PTPN9: variants seen among roughly 807,000 people sequenced by gnomAD.
PTPN9 encodes protein tyrosine phosphatase non-receptor type 9, also known as tyrosine-protein phosphatase non-receptor type 9.
In PTPN9, 26 loss-of-function variants were observed where a neutral mutation model predicts 69.8. That is an observed-to-expected ratio of 0.37 (90% CI 0.27 to 0.52). The LOEUF (loss-of-function observed/expected upper bound fraction) is 0.52. PTPN9 is among the 20% of genes least tolerant of loss of function. PTPN9 has a pLI of 0.91. For missense variants in PTPN9, 549 were observed against 740.3 expected (o/e 0.74, Z 3.00); for synonymous variants, 274 against 272.5 (o/e 1.01, Z -0.05).
Position 75,503,248 on chromosome 15 carries a change from C to T in PTPN9, c.968+2427G>A, listed in dbSNP as rs527786584. ...GAAGTGAGGAGCATCTCTGCCCGGC[C>T]GCCCATCGTCTGAGATGTGGGGAGC... On this transcript the variant is annotated intron_variant, in intron 7 of 12. Coordinates refer to ENST00000618819, the MANE Select transcript of PTPN9 (RefSeq NM_002833.4). Among the ~76,000 whole-genome samples, 363 of 148,548 alleles carry T rather than the reference C, an allele frequency of 2.4e-3. 1 individual carries two copies. Among genetic ancestry groups the T allele is most frequent in the African/African-American group, 8.6e-3 (340 of 39,722 alleles).
chr15:75,519,182 C>G (rs931453194), intron 4 of PTPN9, among the ~76,000 whole-genome samples: 2 of 152,170 alleles, frequency 1.3e-5, no homozygotes, highest in African/African-American at 4.8e-5. Flanking sequence ...GATCTCGGCT[C>G]ACTGCAACCT....
intron 8 of PTPN9, chr15:75,480,789 G>T: frequency 1.9e-6 from 2 of 1,031,988 alleles, no homozygotes; most frequent in Non-Finnish European, 2.5e-6. Flanking sequence ...CCGCGAGGCA[G>T]CGGCTGGAGG....
chr15:75,492,866 A>G (rs914664907), intron 7 of PTPN9, among the ~76,000 whole-genome samples: 1 of 152,102 alleles, frequency 6.6e-6, no homozygotes, highest in Non-Finnish European at 1.5e-5. Context: ...AAATAACACA[A>G]TTCAGGCTTG....
At chr15:75,538,022 G>A (rs1370377237) in intron 1 of PTPN9, among the ~76,000 whole-genome samples, 1 of 151,982 alleles carries the variant, frequency 6.6e-6, no homozygotes, top group Non-Finnish European at 1.5e-5. Flanking sequence ...TTGTGCCACT[G>A]TACTCCAGCC....
chr15:75,515,167 C>T, intron 5 of PTPN9, among the ~76,000 whole-genome samples: 1 of 152,134 alleles, frequency 6.6e-6, no homozygotes, highest in East Asian at 1.9e-4. Flanking sequence ...GTGGCTCACG[C>T]CTGTAATCCC....
chr15:75,521,606 G>A (rs975908857), intron 4 of PTPN9, among the ~76,000 whole-genome samples: 28 of 152,044 alleles, frequency 1.8e-4, no homozygotes, highest in Admixed American at 1.4e-3. Flanking sequence ...AGCATTTTGG[G>A]AGGCCGAGAT....
intron 2 of PTPN9, 145 bp from the exon 3 acceptor site, chr15:75,524,443 T>A: frequency 1.9e-6 from 1 of 532,102 alleles, no homozygotes; most frequent in Non-Finnish European, 3.4e-6. Flanking sequence ...ATTTTGTAAC[T>A]AATTTCATAA....
Position 75,578,154 on chromosome 15 carries a change from T to C in PTPN9, c.63+560A>G, listed in dbSNP as rs115019840. Among the ~76,000 whole-genome samples, 610 of 152,192 alleles carry C rather than the reference T, an allele frequency of 4.0e-3. 5 individuals carry two copies. The highest frequency in any genetic ancestry group is 0.014 in the African/African-American group (588 of 41,534). ...ATAGGGGGGTCAAGGCCAGGGACTT[T>C]AGGAACACGAGAAGGGCTGGATCTT... On this transcript the variant is annotated intron_variant, in intron 1 of 12. Coordinates refer to ENST00000618819, the MANE Select transcript of PTPN9 (RefSeq NM_002833.4).
rs2074536450 is a variant in PTPN9, at chr15:75,466,345, C to G, written c.*2424G>C. ...TATTTCCCAGCCACAACTGCCCCAACTGGGCAGGCCATCAACAGCCAACAG... is the reference window on the plus strand; with the variant it reads ...TATTTCCCAGCCACAACTGCCCCAAGTGGGCAGGCCATCAACAGCCAACAG... On this transcript the variant is annotated 3_prime_UTR_variant, in exon 13 of 13. Transcript: ENST00000618819. The G allele has an allele frequency of 6.6e-6, 1 of 152,250 alleles. No individual in the cohort carries two copies. Among genetic ancestry groups the G allele is most frequent in the African/African-American group, 2.4e-5 (1 of 41,464 alleles). 9.4% of individuals were successfully genotyped at this position (152,250 alleles called of 1,614,324 possible). A position where few individuals can be genotyped will look rare whatever the true frequency, so the allele number is the denominator to read the frequency against.
chr15:75,507,165 C>A (rs1024636357), intron 6 of PTPN9, among the ~76,000 whole-genome samples: 2 of 152,176 alleles, frequency 1.3e-5, no homozygotes, highest in African/African-American at 4.8e-5. Context: ...ATCTCTCCAG[C>A]TGGCACGGTG....
At chr15:75,493,967 A>G (rs991183270) in intron 7 of PTPN9, among the ~76,000 whole-genome samples, 1 of 152,046 alleles carries the variant, frequency 6.6e-6, no homozygotes, top group Non-Finnish European at 1.5e-5. Context: ...TGCCCTGGCT[A>G]CTTGTTTTTG....
At chr15:75,571,373 A>C (rs2075147577) in intron 1 of PTPN9, among the ~76,000 whole-genome samples, 1 of 152,216 alleles carries the variant, frequency 6.6e-6, no homozygotes, top group African/African-American at 2.4e-5. Flanking sequence ...ATTAATCCTC[A>C]CAACATTGTA....
intron 10 of PTPN9, 193 bp from the exon 11 acceptor site, chr15:75,471,023 T>C (rs1333583207): frequency 1.1e-5 from 7 of 658,278 alleles, no homozygotes; most frequent in Non-Finnish European, 1.7e-5. Flanking sequence ...AGCTAAAGTT[T>C]CTGCATGTAC....
At chr15:75,482,941 C>T (rs1016810716) in intron 8 of PTPN9, among the ~76,000 whole-genome samples, 14 of 150,958 alleles carry the variant, frequency 9.3e-5, no homozygotes, top group African/African-American at 3.2e-4. Context: ...AGCGACAGAG[C>T]GAGACTCTGT....
chr15:75,502,813 G>C (rs567908251), intron 7 of PTPN9, among the ~76,000 whole-genome samples: 33 of 152,178 alleles, frequency 2.2e-4, no homozygotes, highest in African/African-American at 7.2e-4. Flanking sequence ...AGCCTATTTT[G>C]AACCTACTTT....
intron 8 of PTPN9, among the ~76,000 whole-genome samples, chr15:75,483,624 G>T (rs958533528): frequency 6.6e-6 from 1 of 152,174 alleles, no homozygotes; most frequent in Non-Finnish European, 1.5e-5. Context: ...GTTGTTTGTG[G>T]TGATGGTGGC....
Position 75,530,756 on chromosome 15 carries a change from TA to T in PTPN9, c.64-3496del, listed in dbSNP as rs1330814652. On this transcript the variant is annotated intron_variant, in intron 1 of 12. Transcript: ENST00000618819. ...ATATTATTATATAATATATATAATA[TA>T]ATATATTATTATAATTATTATAATA... Among the ~76,000 whole-genome samples the T allele has an allele frequency of 7.7e-5, 6 of 77,816 alleles. No individual in the cohort carries two copies. The South Asian group carries it at 1.3e-3, about 17-fold the overall frequency. The allele number at this position is 77,816 out of a possible 152,430, so 51.1% of individuals were successfully genotyped here.
At chr15:75,549,548 G>A (rs564033454) in intron 1 of PTPN9, among the ~76,000 whole-genome samples, 49 of 152,134 alleles carry the variant, frequency 3.2e-4, no homozygotes, top group African/African-American at 1.2e-3. Flanking sequence ...TAGCACAATC[G>A]AAAAGCATTC....
rs111475133 is a variant in PTPN9 at position 75,518,466 on chromosome 15, T to TAA, written c.423-1104_423-1103dup. The stretch of plus-strand genomic sequence containing the variant: ...AACATGGCAAGACCCTGACTCTATT[T>TAA]AAAAAAAAAAAAAAAAAGAGGGAAA... On this transcript the variant is annotated intron_variant, in intron 4 of 12. Transcript: ENST00000618819. 3.0e-3 allele frequency among the ~76,000 whole-genome samples: 390 copies of TAA among 128,258 alleles called. 5 individuals carry two copies. Among genetic ancestry groups the TAA allele is most frequent in the African/African-American group, 9.0e-3 (321 of 35,764 alleles). The allele number at this position is 128,258 out of a possible 152,430, so 84.1% of individuals were successfully genotyped here. A position where few individuals can be genotyped will look rare whatever the true frequency, so the allele number is the denominator to read the frequency against.
Sources: allele counts gnomAD v4.1 joint callset (sites outside exome capture counted in the v4.1 genomes callset), GRCh38; gene constraint gnomAD v4.1.1; transcripts MANE v1.5; gene names NCBI Gene and HGNC (gene_info 2026-07-23, HGNC 2026-07-21).